Variants in ANK3 observed in about 807,000 individuals in gnomAD.
The protein encoded by ANK3 is ankyrin 3.
ANK3 carries 57 observed loss-of-function variants against 370.9 expected under a neutral mutation model. The observed-to-expected ratio is 0.15, with a 90% confidence interval of 0.12 to 0.19. The LOEUF is 0.19. Ranked by LOEUF, ANK3 falls within the 10% of genes least tolerant of loss-of-function variation. The pLI is 1.00. For synonymous variants in ANK3, 1,929 were observed against 1,946.3 expected, an observed-to-expected ratio of 0.99 and a Z score of 0.23; for missense variants, 4,439 against 5,302.1, an observed-to-expected ratio of 0.84 and a Z score of 5.06.
chr10:60,291,053 T>C (rs1361767881), intron 1 of ANK3, among the ~76,000 whole-genome samples: 1 of 152,100 alleles, frequency 6.6e-6, no homozygotes, highest in Non-Finnish European at 1.5e-5. Flanking sequence ...AAAAATTCTC[T>C]TGGAGACTGA....
intron 2 of ANK3, among the ~76,000 whole-genome samples, chr10:60,609,546 T>C (rs967064366): frequency 6.6e-6 from 1 of 152,064 alleles, no homozygotes; most frequent in East Asian, 1.9e-4. Context: ...CCTTTTTTTT[T>C]TTCCTTGCCA....
In ANK3 at chr10:60,695,821, G is replaced by T. The variant is rs531611564; in HGVS notation, c.57+37442C>A. 2.8e-3 allele frequency among the ~76,000 whole-genome samples: 425 copies of T among 152,034 alleles called. 1 individual carries two copies. The highest frequency in any genetic ancestry group is 4.7e-3 in the Non-Finnish European group (322 of 67,986). The stretch of plus-strand genomic sequence containing the variant: ...GCAGGAAAGATCCAAAATTGACACC[G>T]TAACATCACAATTAAAAGAACTAGA... On this transcript the variant is annotated intron_variant, in intron 1 of 43. Transcript: ENST00000373827.
chr10:60,557,439 A>G (rs1416646314), intron 2 of ANK3, among the ~76,000 whole-genome samples: 3 of 152,218 alleles, frequency 2.0e-5, no homozygotes, highest in African/African-American at 7.2e-5. Context: ...GGGAAAATAC[A>G]TAGAGAAAGA....
chr10:60,175,719 G>A (rs1178071463), intron 18 of ANK3, among the ~76,000 whole-genome samples: 1 of 152,194 alleles, frequency 6.6e-6, no homozygotes, highest in Admixed American at 6.5e-5. Flanking sequence ...TGATGAGAAC[G>A]GGGGAAGGAG....
chr10:60,328,831 A>G (rs1025187635), intron 1 of ANK3, among the ~76,000 whole-genome samples: 1 of 152,344 alleles, frequency 6.6e-6, no homozygotes, highest in Non-Finnish European at 1.5e-5. Context: ...CAACAACAAA[A>G]AAAGAAAATT....
chr10:60,429,435 C>T (rs996140520), intron 2 of ANK3, among the ~76,000 whole-genome samples: 1 of 151,954 alleles, frequency 6.6e-6, no homozygotes, highest in Non-Finnish European at 1.5e-5. Flanking sequence ...GTACTCTTAC[C>T]CCAAATAGAA....
At position 60,055,657 on chromosome 10, in the gene ANK3, C is replaced by A. The variant is rs1424980807; in HGVS notation, c.13065+1G>T. 1.2e-6 allele frequency: 2 copies of A among 1,600,176 alleles called. No homozygotes were observed. Among genetic ancestry groups the A allele is most frequent in the Non-Finnish European group, 1.7e-6 (2 of 1,175,376 alleles). On this transcript the variant is annotated splice_donor_variant, in intron 42 of 43. Transcript: ENST00000280772. LOFTEE classifies it high-confidence loss of function. ...TGCTACCGGATGACCAGATGACGTA[C>A]CTTTTGCTCAGACCCACTGGACCCC... is the stretch of plus-strand genomic sequence containing the variant.
intron 1 of ANK3, among the ~76,000 whole-genome samples, chr10:60,369,699 T>C (rs760560084): frequency 1.9e-4 from 29 of 152,214 alleles, no homozygotes; most frequent in Non-Finnish European, 3.8e-4. Context: ...GAGCAGTAGA[T>C]ACCTGTTTCA....
chr10:60,035,288 G>A (rs140377651), intron 43 of ANK3, among the ~76,000 whole-genome samples: 97 of 151,510 alleles, frequency 6.4e-4, no homozygotes, highest in Non-Finnish European at 2.2e-4. Context: ...TTGCTCTGTC[G>A]CCCAGGCTGG....
intron 1 of ANK3, among the ~76,000 whole-genome samples, chr10:60,372,022 G>T (rs1239423961): frequency 6.6e-6 from 1 of 152,178 alleles, no homozygotes; most frequent in Non-Finnish European, 1.5e-5. Flanking sequence ...GGAAAACACA[G>T]ACGATAGAAT....
chr10:60,718,396 G>A (rs1024620586), intron 1 of ANK3, among the ~76,000 whole-genome samples: 7 of 151,882 alleles, frequency 4.6e-5, no homozygotes, highest in Admixed American at 6.6e-5. Flanking sequence ...GGGAGGAGTC[G>A]ACGAAGCAAG....
At chr10:60,431,894 C>T (rs976508607) in intron 2 of ANK3, among the ~76,000 whole-genome samples, 1 of 152,194 alleles carries the variant, frequency 6.6e-6, no homozygotes, top group Non-Finnish European at 1.5e-5. Flanking sequence ...CTTTGCCCTT[C>T]TGACTCATTC....
intron 1 of ANK3, among the ~76,000 whole-genome samples, chr10:60,347,981 C>G (rs970942678): frequency 2.0e-5 from 3 of 152,128 alleles, no homozygotes; most frequent in African/African-American, 7.2e-5. Flanking sequence ...TGACTTTGAA[C>G]TTCTTAGCCC....
chr10:60,550,188 C>A (rs1595258603), intron 2 of ANK3, among the ~76,000 whole-genome samples: 1 of 151,554 alleles, frequency 6.6e-6, no homozygotes, highest in Non-Finnish European at 1.5e-5. Context: ...ACATTCATAT[C>A]TTTATATAAG....
intron 1 of ANK3, among the ~76,000 whole-genome samples, chr10:60,316,148 G>A (rs1200687186): frequency 1.3e-5 from 2 of 152,170 alleles, no homozygotes; most frequent in Non-Finnish European, 2.9e-5. Flanking sequence ...AACTTGGTGA[G>A]CTATGAGGAC....
intron 2 of ANK3, among the ~76,000 whole-genome samples, chr10:60,406,691 T>A (rs72806159): frequency 0.11 from 16,149 of 152,220 alleles, 951 homozygotes; most frequent in South Asian, 0.14. Context: ...GGTTTTCTCA[T>A]TAAAGATTAT....
chr10:60,124,912 A>G (rs1352184045), intron 25 of ANK3, among the ~76,000 whole-genome samples: 1 of 152,228 alleles, frequency 6.6e-6, no homozygotes, highest in Non-Finnish European at 1.5e-5. Flanking sequence ...CAAAAGCACG[A>G]AATGAGATGA....
chr10:60,030,201 G>GGT (rs2073100060), intron 43 of ANK3, among the ~76,000 whole-genome samples: 1 of 151,966 alleles, frequency 6.6e-6, no homozygotes, highest in Non-Finnish European at 1.5e-5. Flanking sequence ...GGAGTGCAGT[G>GGT]GCCCGAAATT....
chr10:60,551,958 TG>T (rs1327940295), intron 2 of ANK3, among the ~76,000 whole-genome samples: 2 of 152,204 alleles, frequency 1.3e-5, no homozygotes, highest in African/African-American at 4.8e-5. Context: ...GCTCCACAAC[TG>T]TCTCCAGGAA....
Sources: gnomAD v4.1 joint callset for allele counts (sites outside exome capture counted in the v4.1 genomes callset) on GRCh38, gnomAD v4.1.1 for gene constraint, MANE v1.5 for transcripts, NCBI Gene and HGNC (gene_info 2026-07-23, HGNC 2026-07-21) for gene names.